Variants in SLC7A13 observed in about 807,000 individuals in gnomAD.
The protein encoded by SLC7A13 is solute carrier family 7 member 13.
Under a neutral mutation model 32.0 loss-of-function variants are expected in SLC7A13, and 31 were observed. The observed-to-expected ratio is 0.97, with a 90% CI of 0.73 to 1.31. The LOEUF is 1.31. SLC7A13 is among the 50% of genes most tolerant of loss of function. The pLI is 0.00. For synonymous variants in SLC7A13, 232 were observed against 206.9 expected (o/e 1.12, Z -1.04); for missense variants, 633 against 546.9 (o/e 1.16, Z -1.57).
At chr8:86,216,679 G>A (rs1820187108) in intron 3 of SLC7A13, among the ~76,000 whole-genome samples, 2 of 152,180 alleles carry the variant, frequency 1.3e-5, no homozygotes, top group South Asian at 4.1e-4. Context: ...ACTCCAAAGA[G>A]ACTGCCTAGA....
chr8:86,227,427 A>C (rs1200318508), intron 1 of SLC7A13, among the ~76,000 whole-genome samples: 1 of 152,250 alleles, frequency 6.6e-6, no homozygotes, highest in Non-Finnish European at 1.5e-5. Flanking sequence ...ACCAACTTTG[A>C]AAATGAAAAG....
chr8:86,218,809 C>G (rs1820239767), intron 2 of SLC7A13, among the ~76,000 whole-genome samples: 1 of 152,014 alleles, frequency 6.6e-6, no homozygotes, highest in Non-Finnish European at 1.5e-5. Flanking sequence ...TAGGACAGAT[C>G]ACTCAGTCAG....
intron 2 of SLC7A13, among the ~76,000 whole-genome samples, chr8:86,222,286 A>T: frequency 6.6e-6 from 1 of 152,152 alleles, no homozygotes; most frequent in East Asian, 1.9e-4. Context: ...TGAGGAAATT[A>T]CTAGTCTTCC....
In SLC7A13 at chr8:86,221,595, C is replaced by T. The variant is rs1586146293; in HGVS notation, c.817+1377G>A. Reference sequence around the variant, plus strand: ...TCGTCATCTAGCATTAGGTATATCTCCCAGTGCTATCCCTCCCCACTCCCC... The same window carrying T: ...TCGTCATCTAGCATTAGGTATATCTTCCAGTGCTATCCCTCCCCACTCCCC... On this transcript the variant is annotated intron_variant, in intron 2 of 3. Transcript: ENST00000297524. 2.0e-5 allele frequency among the ~76,000 whole-genome samples: 3 copies of T among 152,128 alleles called. 1 individual carries two copies. In the South Asian group the frequency reaches 6.2e-4, roughly 32 times the overall value.
intron 1 of SLC7A13, among the ~76,000 whole-genome samples, chr8:86,229,108 C>T (rs897798279): frequency 6.6e-6 from 1 of 151,914 alleles, no homozygotes; most frequent in African/African-American, 2.4e-5. Flanking sequence ...CAAGTAAAAT[C>T]AATTTGTATT....
intron 3 of SLC7A13, 67 bp downstream of exon 3, chr8:86,217,403 A>C: frequency 7.5e-7 from 1 of 1,335,386 alleles, no homozygotes; most frequent in African/African-American, 1.5e-5. Context: ...TCTGATTATA[A>C]TCTTAAATAC....
chr8:86,219,278 T>G (rs879912106), intron 2 of SLC7A13, among the ~76,000 whole-genome samples: 2 of 152,162 alleles, frequency 1.3e-5, no homozygotes, highest in Non-Finnish European at 2.9e-5. Flanking sequence ...TTTCCCAGTG[T>G]GCATTCTACA....
intron 2 of SLC7A13, among the ~76,000 whole-genome samples, chr8:86,219,411 A>G (rs1222795219): frequency 6.6e-6 from 1 of 152,032 alleles, no homozygotes. Flanking sequence ...TTTCTTTGTG[A>G]CTCTGTCCAC....
chr8:86,226,656 T>C (rs1354109970), intron 1 of SLC7A13, among the ~76,000 whole-genome samples: 1 of 152,196 alleles, frequency 6.6e-6, no homozygotes, highest in Non-Finnish European at 1.5e-5. Flanking sequence ...CGTCTCTATG[T>C]ACTTGCCTTA....
chr8:86,217,634 C>A lies in SLC7A13; in HGVS notation c.1015G>T (p.Ala339Ser). ...TLNSHSSPFT[A>S]VLLLVTLGSL... ...CCCAAAGTGACAAGTAGTAGCACAG[C>A]TGTAAATGGAGAAGAGTGACTATTA... is the stretch of plus-strand genomic sequence containing the variant. The change falls in exon 3 of 4, where the codon GCT becomes TCT. Residue 339 changes from alanine (A) to serine (S), a missense_variant. Transcript: ENST00000297524. 1 of 1,613,300 alleles carries A rather than the reference C, an allele frequency of 6.2e-7. No individual in the cohort carries two copies. Among genetic ancestry groups the A allele is most frequent in the Non-Finnish European group, 8.5e-7 (1 of 1,179,580 alleles).
intron 1 of SLC7A13, among the ~76,000 whole-genome samples, chr8:86,225,006 C>T (rs947182779): frequency 7.2e-5 from 11 of 152,096 alleles, no homozygotes; most frequent in Admixed American, 6.6e-4. Flanking sequence ...AGATTAAAAA[C>T]GTGAGTCACC....
chr8:86,214,578 C>A lies in SLC7A13; in HGVS notation c.1248G>T (p.Lys416Asn). 1 of 1,613,746 alleles carries A rather than the reference C, an allele frequency of 6.2e-7. No homozygotes were observed. The highest frequency in any genetic ancestry group is 1.3e-5 in the African/African-American group (1 of 75,018). ...DVGLVVIPLV[K>N]SPNVHYVYVL... ...CGTAGACATAATGCACATTTGGAGA[C>A]TTTACCAATGGTATCACAACCAAGC... Residue 416 changes from lysine to asparagine, a missense_variant, in exon 4 of 4, where the codon AAG (lysine) becomes AAT (asparagine). Physicochemically the swap from Lys to Asn is moderately conservative, Grantham distance 94. Coordinates refer to ENST00000297524, the MANE Select transcript of SLC7A13 (RefSeq NM_138817.3).
chr8:86,214,786 G>A lies in SLC7A13; in HGVS notation c.1180-140C>T, dbSNP rs12542402. 2.9e-4 allele frequency: 193 copies of A among 656,468 alleles called. 1 individual carries two copies. The highest frequency in any genetic ancestry group is 2.9e-3 in the African/African-American group (158 of 54,736). 40.7% of individuals were successfully genotyped at this position (656,468 alleles called of 1,614,324 possible). Reference sequence around the variant, plus strand: ...TTAGCTGTAAAGTTGAATAAATCTGGCTTAGAAGTCAGATAAATGCCTGAG... The same window carrying A: ...TTAGCTGTAAAGTTGAATAAATCTGACTTAGAAGTCAGATAAATGCCTGAG... On this transcript the variant is annotated intron_variant, in intron 3 of 3. Transcript: ENST00000297524.
In SLC7A13 at chr8:86,227,751, A is replaced by G. The variant is rs117774606; in HGVS notation, c.685+1842T>C. ...GTATATACACACCATGGAATACTAC[A>G]CAGCCCTAAAAAGAATGAGATCATG... On this transcript the variant is annotated intron_variant, in intron 1 of 3. Coordinates refer to ENST00000297524, the MANE Select transcript of SLC7A13 (RefSeq NM_138817.3). 5.2e-3 allele frequency among the ~76,000 whole-genome samples: 789 copies of G among 152,344 alleles called. 7 individuals are homozygous for G. The highest frequency in any genetic ancestry group is 7.0e-3 in the Non-Finnish European group (475 of 68,026).
At chr8:86,224,086 CAT>C (rs1423670406) in intron 1 of SLC7A13, among the ~76,000 whole-genome samples, 2 of 152,092 alleles carry the variant, frequency 1.3e-5, no homozygotes, top group African/African-American at 4.8e-5. Context: ...AAGAGCTACA[CAT>C]GAGTTAAATA....
chr8:86,227,800 A>T (rs1477055322), intron 1 of SLC7A13, among the ~76,000 whole-genome samples: 1 of 152,184 alleles, frequency 6.6e-6, no homozygotes, highest in Non-Finnish European at 1.5e-5. Context: ...TGTGGATGCA[A>T]CTAGAGACCA....
chr8:86,227,021 G>A (rs770484824), intron 1 of SLC7A13, among the ~76,000 whole-genome samples: 1 of 152,112 alleles, frequency 6.6e-6, no homozygotes, highest in African/African-American at 2.4e-5. Flanking sequence ...TGTACATTTT[G>A]CAGATAATAA....
intron 2 of SLC7A13, among the ~76,000 whole-genome samples, chr8:86,219,016 T>C (rs1016669257): frequency 1.3e-5 from 2 of 152,198 alleles, no homozygotes; most frequent in African/African-American, 4.8e-5. Context: ...TAATAGCTCT[T>C]GTTCTTAAAG....
chr8:86,227,613 T>A lies in SLC7A13; in HGVS notation c.685+1980A>T, dbSNP rs185478831. On this transcript the variant is annotated intron_variant, in intron 1 of 3. Coordinates refer to ENST00000297524, the MANE Select transcript of SLC7A13 (RefSeq NM_138817.3). ...TCTCTACCCACAGGAATAGAAATTG[T>A]TATATCAAAAAGACTTCCGCACTTG... 9.5e-4 allele frequency among the ~76,000 whole-genome samples: 144 copies of A among 152,314 alleles called. 1 individual carries two copies. Among genetic ancestry groups the A allele is most frequent in the African/African-American group, 3.2e-3 (133 of 41,574 alleles).
Sources: allele counts gnomAD v4.1 joint callset (sites outside exome capture counted in the v4.1 genomes callset), GRCh38; gene constraint gnomAD v4.1.1; transcripts MANE v1.5; gene names NCBI Gene and HGNC (gene_info 2026-07-23, HGNC 2026-07-21).